NPAS4: variants seen among roughly 807,000 people sequenced by gnomAD.
The protein encoded by NPAS4 is neuronal PAS domain-containing protein 4.
NPAS4 carries 10 observed loss-of-function variants against 64.0 expected under a neutral mutation model. That is an observed-to-expected ratio of 0.16 (90% confidence interval 0.10 to 0.26). The LOEUF (loss-of-function observed/expected upper bound fraction) is 0.26. NPAS4 is among the 10% of genes least tolerant of loss of function. NPAS4 has a pLI of 1.00. For missense variants in NPAS4, 886 were observed against 992.6 expected (o/e 0.89, Z 1.44); for synonymous variants, 441 against 411.7 (o/e 1.07, Z -0.86).
chr11:66,417,917 A>G (rs1223422766), upstream of NPAS4, among the ~76,000 whole-genome samples: 1 of 152,190 alleles, frequency 6.6e-6, no homozygotes, highest in Non-Finnish European at 1.5e-5. Context: ...AGATGTAGAC[A>G]TCCAACCACC....
Position 66,424,972 on chromosome 11 carries a change from G to A in NPAS4, c.2082G>A (p.Leu694=), listed in dbSNP as rs781290674. The A allele has an allele frequency of 1.9e-6, 3 of 1,614,148 alleles. No homozygotes were observed. The highest frequency in any genetic ancestry group is 2.2e-5 in the East Asian group (1 of 44,870). The stretch of plus-strand genomic sequence containing the variant: ...TGAAACCCTGGAAATGCCAGGAGCT[G>A]GACTTCCTGGCTGACCCTGATAACA... ...LDLKPWKCQE[L]DFLADPDNMF... The change falls in exon 7 of 8, where the codon CTG becomes CTA. Residue 694 remains leucine, a synonymous_variant. Coordinates refer to ENST00000311034, the MANE Select transcript of NPAS4 (RefSeq NM_178864.4).
chr11:66,424,965 A>G lies in NPAS4; in HGVS notation c.2075A>G (p.Gln692Arg). ...CTGGACCTGAAACCCTGGAAATGCC[A>G]GGAGCTGGACTTCCTGGCTGACCCT... is the stretch of plus-strand genomic sequence containing the variant. ...LSLDLKPWKC[Q>R]ELDFLADPDN... Residue 692 changes from glutamine (Q) to arginine (R), a missense_variant, in exon 7 of 8, where the codon CAG (glutamine) becomes CGG (arginine). By Grantham distance (43) the Gln-to-Arg change is conservative. Transcript: ENST00000311034. The G allele has an allele frequency of 1.2e-6, 2 of 1,614,164 alleles. No homozygotes were observed. The highest frequency in any genetic ancestry group is 1.7e-6 in the Non-Finnish European group (2 of 1,180,020).
intron 7 of NPAS4, among the ~76,000 whole-genome samples, chr11:66,425,504 T>C (rs1305485265): frequency 6.6e-6 from 1 of 152,118 alleles, no homozygotes; most frequent in African/African-American, 2.4e-5. Flanking sequence ...AGGGAATTCT[T>C]AAGTAAGGGC....
the NPAS4 span, among the ~76,000 whole-genome samples, chr11:66,415,438 G>A: frequency 6.6e-6 from 1 of 152,274 alleles, no homozygotes; most frequent in South Asian, 2.1e-4. Context: ...TCATCCTCTG[G>A]TCTAAGGATG....
the NPAS4 span, among the ~76,000 whole-genome samples, chr11:66,411,507 T>C: frequency 6.6e-6 from 1 of 152,214 alleles, no homozygotes; most frequent in East Asian, 1.9e-4. Context: ...GCTCGTCTTC[T>C]TCCTGGACCT....
rs1340548176 is a variant in NPAS4 at position 66,424,419 on chromosome 11, A to G, written c.1529A>G (p.Asp510Gly). Reference sequence around the variant, plus strand: ...ACTCCCTGCACCTCCACCTTCCCAGACCAGCTGCTTCCCAGCACAGCCACC... The same window carrying G: ...ACTCCCTGCACCTCCACCTTCCCAGGCCAGCTGCTTCCCAGCACAGCCACC... The part of the protein sequence containing the change: ...QLTPCTSTFP[D>G]QLLPSTATFP... Residue 510 changes from aspartate to glycine, a missense_variant, in exon 7 of 8, where the codon GAC (aspartate) becomes GGC (glycine). Physicochemically the swap from Asp to Gly is moderately conservative, Grantham distance 94. Coordinates refer to ENST00000311034, the MANE Select transcript of NPAS4 (RefSeq NM_178864.4). The G allele has an allele frequency of 6.2e-7, 1 of 1,613,912 alleles. No homozygotes were observed. The highest frequency in any genetic ancestry group is 8.5e-7 in the Non-Finnish European group (1 of 1,180,002).
chr11:66,423,282 T>C, intron 5 of NPAS4, 50 bp downstream of exon 5: 1 of 1,224,084 alleles, frequency 8.2e-7, no homozygotes, highest in Non-Finnish European at 1.2e-6. Context: ...GGAAAGGGCA[T>C]GGGAGACCAG....
chr11:66,424,413 T>C lies in NPAS4; in HGVS notation c.1523T>C (p.Phe508Ser), dbSNP rs1856806998. The part of the protein sequence containing the change: ...EDQLTPCTST[F>S]PDQLLPSTAT... ...CAGTTGACTCCCTGCACCTCCACCT[T>C]CCCAGACCAGCTGCTTCCCAGCACA... is the stretch of plus-strand genomic sequence containing the variant. Residue 508 changes from phenylalanine to serine, a missense_variant, in exon 7 of 8, where the codon TTC becomes TCC. Physicochemically the swap from Phe to Ser is radical, Grantham distance 155. Around this residue, in one of 3 missense-constraint regions of NPAS4, gnomAD observed 820 missense variants for 855.5 expected, o/e 0.96. Transcript: ENST00000311034. 1 of 1,613,838 alleles carries C rather than the reference T, an allele frequency of 6.2e-7. No individual in the cohort carries two copies. The highest frequency in any genetic ancestry group is 1.3e-5 in the African/African-American group (1 of 74,936).
rs1165666142 is a variant in NPAS4 at position 66,422,180 on chromosome 11, C to T, written c.236C>T (p.Ala79Val). The change falls in exon 2 of 8, where the codon GCG (alanine) becomes GTG (valine). Residue 79 changes from alanine (A) to valine (V), a missense_variant. Ala to Val is a moderately conservative substitution (Grantham distance 64). Around this residue, in one of 3 missense-constraint regions of NPAS4, gnomAD observed 820 missense variants for 855.5 expected, o/e 0.96. Transcript: ENST00000311034. ...GCTCAAGAGCTTGAGGACATCGTAGCGGCACTACCCGGCTTTCTGCTTGTG... is the reference window on the plus strand; with the variant it reads ...GCTCAAGAGCTTGAGGACATCGTAGTGGCACTACCCGGCTTTCTGCTTGTG... The part of the protein sequence containing the change: ...LSAQELEDIV[A>V]ALPGFLLVFT... 2 of 1,614,016 alleles carry T rather than the reference C, an allele frequency of 1.2e-6. No individual in the cohort carries two copies. The highest frequency in any genetic ancestry group is 1.7e-6 in the Non-Finnish European group (2 of 1,179,956).
Position 66,424,351 on chromosome 11 carries a change from C to T in NPAS4, c.1461C>T (p.Gly487=). 3.1e-6 allele frequency: 5 copies of T among 1,614,122 alleles called. No homozygotes were observed. The highest frequency in any genetic ancestry group is 3.4e-6 in the Non-Finnish European group (4 of 1,180,010). ...FPDPLTSPLQ[G]QLTETSVRSY... is the part of the protein sequence containing the mutation. ...ATCCACTAACTAGCCCACTGCAAGG[C>T]CAGTTGACTGAAACCTCGGTCAGAA... Residue 487 remains glycine, a synonymous_variant, in exon 7 of 8, where the codon GGC becomes GGT. Coordinates refer to ENST00000311034, the MANE Select transcript of NPAS4 (RefSeq NM_178864.4).
upstream of NPAS4, among the ~76,000 whole-genome samples, chr11:66,420,747 A>G (rs1237347818): frequency 4.0e-5 from 6 of 151,560 alleles, no homozygotes; most frequent in Non-Finnish European, 8.8e-5. Flanking sequence ...GGGTCCCCAC[A>G]CTCCATTCAA....
At chr11:66,409,537 C>G in the NPAS4 span, 1 of 152,320 alleles carries the variant, frequency 6.6e-6, no homozygotes, top group Admixed American at 6.5e-5. Flanking sequence ...CCCCCGACCC[C>G]TTAAACTTTT....
intron 5 of NPAS4, 30 bp downstream of exon 5, chr11:66,423,262 T>G (rs200228066): frequency 3.1e-5 from 44 of 1,440,700 alleles, no homozygotes; most frequent in Middle Eastern, 1.7e-4. Context: ...GGGGACAAGA[T>G]AGCAAGCTGG....
chr11:66,415,739 G>A, the NPAS4 span, among the ~76,000 whole-genome samples: 2 of 152,186 alleles, frequency 1.3e-5, no homozygotes, highest in Non-Finnish European at 2.9e-5. Context: ...TAGGGGTGAG[G>A]CTCAGCATTG....
chr11:66,409,166 T>C, the NPAS4 span: 4 of 152,004 alleles, frequency 2.6e-5, no homozygotes, highest in Middle Eastern at 3.4e-3. Context: ...TTAAGGCAAC[T>C]GGCGGAGTGG....
rs752147792 is a variant in NPAS4, at chr11:66,423,970, C to A, written c.1080C>A (p.Asn360Lys). 1 of 1,614,076 alleles carries A rather than the reference C, an allele frequency of 6.2e-7. No individual in the cohort carries two copies. ...ILSQEECSST[N>K]PLFTAALGAP... is the part of the protein sequence containing the mutation. ...CCCAGGAAGAGTGCTCCAGCACTAA[C>A]CCACTCTTCACCGCAGCACTGGGGG... Residue 360 changes from asparagine to lysine, a missense_variant, in exon 7 of 8, where the codon AAC (asparagine) becomes AAA (lysine). Asn to Lys is a moderately conservative substitution (Grantham distance 94). Around this residue, in one of 3 missense-constraint regions of NPAS4, gnomAD observed 820 missense variants for 855.5 expected, o/e 0.96. Transcript: ENST00000311034.
intron 4 of NPAS4, 32 bp from the exon 5 acceptor site, chr11:66,423,089 CAG>C (rs1856775189): frequency 2.6e-6 from 4 of 1,540,498 alleles, no homozygotes; most frequent in Non-Finnish European, 3.6e-6. Context: ...GCAAGGAAAA[CAG>C]AAAGCTGACC....
the NPAS4 span, among the ~76,000 whole-genome samples, chr11:66,412,675 G>GA: frequency 6.6e-6 from 1 of 152,218 alleles, no homozygotes; most frequent in African/African-American, 2.4e-5. Flanking sequence ...TCAGTCCCTT[G>GA]ATAGGGGTGC....
In NPAS4 at chr11:66,421,287, G is replaced by A. The variant is rs145087221; in HGVS notation, c.108G>A (p.Arg36=). 45 of 1,614,142 alleles carry A rather than the reference G, an allele frequency of 2.8e-5. No individual in the cohort carries two copies. In the African/African-American group the frequency reaches 5.1e-4, roughly 18 times the overall value. ...CGCTGGCCGAAGCGGACAAGGTCCG[G>A]CTGTCCTACCTGCACATCATGAGCC... The part of the protein sequence containing the change: ...LLPLAEADKV[R]LSYLHIMSLA... The change falls in exon 1 of 8, where the codon CGG becomes CGA. Residue 36 remains arginine (R), a synonymous_variant. Transcript: ENST00000311034.
Sources: gnomAD v4.1 joint callset for allele counts (sites outside exome capture counted in the v4.1 genomes callset) on GRCh38, gnomAD v4.1.1 for gene constraint, gnomAD v4.1.1 regional missense constraint, MANE v1.5 for transcripts, NCBI Gene and HGNC (gene_info 2026-07-23, HGNC 2026-07-21) for gene names.